DNAH1: variants seen among roughly 807,000 people sequenced by gnomAD.
DNAH1 encodes dynein axonemal heavy chain 1.
DNAH1 carries 327 observed loss-of-function variants against 484.3 expected under a neutral mutation model. The ratio of observed to expected loss-of-function variants is 0.68; its 90% CI spans 0.62 to 0.74. The LOEUF is 0.74. DNAH1 is among the 30% of genes least tolerant of loss of function. DNAH1 has a pLI of 0.00. For synonymous variants in DNAH1, 2,192 were observed against 2,191.9 expected, an observed-to-expected ratio of 1.00 and a Z score of 0.00; for missense variants, 5,052 against 5,546.8, an observed-to-expected ratio of 0.91 and a Z score of 2.83.
chr3:52,386,579 T>C, intron 55 of DNAH1, 83 bp from the exon 56 acceptor site: 9 of 1,422,012 alleles, frequency 6.3e-6, no homozygotes, highest in Non-Finnish European at 8.4e-6. Context: ...ACTTGGTTGG[T>C]AGGGCCAACC....
intron 8 of DNAH1, among the ~76,000 whole-genome samples, chr3:52,340,873 T>A (rs6794675): frequency 0.27 from 40,798 of 151,900 alleles, 8,199 homozygotes; most frequent in African/African-American, 0.57. Flanking sequence ...TTTTTTTTTT[T>A]AATTTACAGA....
chr3:52,360,150 A>C, intron 27 of DNAH1, 71 bp downstream of exon 27: 4 of 1,600,736 alleles, frequency 2.5e-6, no homozygotes, highest in South Asian at 1.1e-5. Context: ...GAGAAAAGTC[A>C]GTTAGCAATA....
rs1044032263 is a variant in DNAH1 at position 52,368,347 on chromosome 3, G to T, written c.5766-394G>T. Among the ~76,000 whole-genome samples, 4 of 152,156 alleles carry T rather than the reference G, an allele frequency of 2.6e-5. No homozygotes were observed. Among genetic ancestry groups the T allele is most frequent in the African/African-American group, 7.2e-5 (3 of 41,422 alleles). On this transcript the variant is annotated intron_variant, in intron 36 of 77. Coordinates refer to ENST00000420323, the MANE Select transcript of DNAH1 (RefSeq NM_015512.5). The surrounding 1 kb of genome is among the most constrained non-coding windows in gnomAD (Gnocchi z 4.4). ...CCCTTCCCTGGTGCGTGCTGCCTCT[G>T]AGGTCTGAGTCCCCTGGGTTCTGAG...
chr3:52,354,962 C>T lies in DNAH1; in HGVS notation c.3600C>T (p.His1200=), dbSNP rs752779932. The part of the protein sequence containing the change: ...PDEASQLLDD[H]IVMTQNMSFS... ...AGGCCTCACAGCTGCTGGACGACCA[C>T]ATCGTCATGACCCAGAATATGTCAT... Residue 1200 remains histidine, a synonymous_variant, in exon 21 of 78, where the codon CAC becomes CAT. Transcript: ENST00000420323. 1 of 1,614,036 alleles carries T rather than the reference C, an allele frequency of 6.2e-7. No homozygotes were observed. Among genetic ancestry groups the T allele is most frequent in the South Asian group, 1.1e-5 (1 of 91,078 alleles).
At chr3:52,350,430 G>T in intron 15 of DNAH1, 78 bp from the exon 16 acceptor site, 1 of 1,381,738 alleles carries the variant, frequency 7.2e-7, no homozygotes. Flanking sequence ...TCTAGTACCC[G>T]TCTCTGGGGA....
Position 52,355,072 on chromosome 3 carries a change from G to T in DNAH1, c.3693+17G>T. Reference sequence around the variant, plus strand: ...CTGACCCAGGTCGGCCCTCCCCCCAGTCCTTCCCTCATCGCTCCCCCACTT... The same window carrying T: ...CTGACCCAGGTCGGCCCTCCCCCCATTCCTTCCCTCATCGCTCCCCCACTT... On this transcript the variant is annotated intron_variant, in intron 21 of 77. Coordinates refer to ENST00000420323, the MANE Select transcript of DNAH1 (RefSeq NM_015512.5). This position sits in a 1 kb window ranked among gnomAD's most constrained non-coding sequence, Gnocchi z 4.5. The T allele has an allele frequency of 6.2e-7, 1 of 1,611,196 alleles. No homozygotes were observed. Among genetic ancestry groups the T allele is most frequent in the Non-Finnish European group, 8.5e-7 (1 of 1,179,278 alleles).
chr3:52,375,027 T>G, intron 44 of DNAH1: 1 of 645,412 alleles, frequency 1.5e-6, no homozygotes, highest in Non-Finnish European at 2.6e-6. Context: ...CAATAAAAAG[T>G]ACTTTTGAAC....
chr3:52,344,440 T>C, intron 8 of DNAH1, 50 bp from the exon 9 acceptor site: 1 of 1,591,420 alleles, frequency 6.3e-7, no homozygotes, highest in Non-Finnish European at 8.6e-7. Flanking sequence ...CGGCTGGGGT[T>C]CACAGGGTGT....
Position 52,326,332 on chromosome 3 carries a change from G to A in DNAH1, c.581+18G>A. ...ATCGAGAGGTACGGCTGGGTGGGCT[G>A]TGGGGAGACTGTCGGGGAGGTGGCA... is the stretch of plus-strand genomic sequence containing the variant. On this transcript the variant is annotated intron_variant, in intron 4 of 77. Transcript: ENST00000420323. 1.9e-6 allele frequency: 3 copies of A among 1,597,036 alleles called. No homozygotes were observed. Among genetic ancestry groups the A allele is most frequent in the South Asian group, 1.1e-5 (1 of 90,642 alleles).
intron 41 of DNAH1, 61 bp from the exon 42 acceptor site, chr3:52,371,885 G>C: frequency 1.3e-6 from 2 of 1,586,494 alleles, no homozygotes; most frequent in South Asian, 2.3e-5. Context: ...CCATGGGGCC[G>C]CAGCCAGGAG....
At chr3:52,390,323 G>T (rs1429427820) in intron 60 of DNAH1, among the ~76,000 whole-genome samples, 2 of 152,176 alleles carry the variant, frequency 1.3e-5, no homozygotes, top group African/African-American at 2.4e-5. Flanking sequence ...AAATTAACCA[G>T]GCATGGTCGT....
chr3:52,342,923 G>A (rs1702003468), intron 8 of DNAH1, among the ~76,000 whole-genome samples: 1 of 152,246 alleles, frequency 6.6e-6, no homozygotes, highest in Non-Finnish European at 1.5e-5. Context: ...GTGGTGTTCA[G>A]AGTCCGAGGC....
chr3:52,398,066 A>T lies in DNAH1; in HGVS notation c.11993A>T (p.Lys3998Met), dbSNP rs996016159. ...VEDVTQNILL[K>M]VPEPINLQWV... ...GACGTCACCCAAAACATTCTGCTCA[A>T]GGTGCCTGAGCCTATCAACTTGCAA... Residue 3998 changes from lysine to methionine, a missense_variant, in exon 75 of 78, where the codon AAG (lysine) becomes ATG (methionine). Physicochemically the swap from Lys to Met is moderately conservative, Grantham distance 95 (BLOSUM62 -1). Coordinates refer to ENST00000420323, the MANE Select transcript of DNAH1 (RefSeq NM_015512.5). 1.2e-6 allele frequency: 2 copies of T among 1,613,784 alleles called. No homozygotes were observed. The highest frequency in any genetic ancestry group is 1.7e-6 in the Non-Finnish European group (2 of 1,179,878).
chr3:52,386,281 C>T lies in DNAH1; in HGVS notation c.8747C>T (p.Ala2916Val), dbSNP rs751554068. 42 of 1,608,590 alleles carry T rather than the reference C, an allele frequency of 2.6e-5. No individual in the cohort carries two copies. Among genetic ancestry groups the T allele is most frequent in the African/African-American group, 4.0e-5 (3 of 74,832 alleles). The change falls in exon 55 of 78, where the codon GCG (alanine) becomes GTG (valine). Residue 2916 changes from alanine to valine, a missense_variant. Ala to Val is a moderately conservative substitution (Grantham distance 64, BLOSUM62 0). This residue lies in a region of DNAH1 where 2,929 missense variants were observed against 3,409.4 expected (regional missense o/e 0.86). Transcript: ENST00000420323. Reference protein sequence around the residue: ...ADDAQKDLDEALPALDAALAS... With the variant: ...ADDAQKDLDEVLPALDAALAS... ...GATGCCCAGAAGGACCTGGACGAGG[C>T]GTTGCCAGCCCTGGATGCGGCTCTG...
chr3:52,332,319 A>C lies in DNAH1; in HGVS notation c.1211A>C (p.His404Pro). The change falls in exon 8 of 78, where the codon CAT becomes CCT. Residue 404 changes from histidine to proline, a missense_variant. His to Pro is a moderately conservative substitution (Grantham distance 77, BLOSUM62 -2). Transcript: ENST00000420323. ...GACTGCATGCCCTCTGACGGCCAGC[A>C]TGTCATCAGTGAACAGAGCCTGAGC... The part of the protein sequence containing the change: ...YVDCMPSDGQ[H>P]VISEQSLSKI... 6.2e-7 allele frequency: 1 copy of C among 1,614,060 alleles called. No individual in the cohort carries two copies. Among genetic ancestry groups the C allele is most frequent in the Non-Finnish European group, 8.5e-7 (1 of 1,179,900 alleles).
chr3:52,336,408 G>A (rs992028644), intron 8 of DNAH1, among the ~76,000 whole-genome samples: 1 of 152,058 alleles, frequency 6.6e-6, no homozygotes, highest in Non-Finnish European at 1.5e-5. Flanking sequence ...AAAAAAATTA[G>A]CCAGGCATGG....
intron 66 of DNAH1, among the ~76,000 whole-genome samples, chr3:52,394,007 G>C (rs1407104452): frequency 6.6e-6 from 1 of 152,258 alleles, no homozygotes; most frequent in Non-Finnish European, 1.5e-5. Flanking sequence ...CTCGAGCCTT[G>C]AGTGTGCTGG....
chr3:52,316,925 G>A (rs540709033), intron 1 of DNAH1, among the ~76,000 whole-genome samples: 2 of 152,334 alleles, frequency 1.3e-5, no homozygotes, highest in South Asian at 4.1e-4. Context: ...CAGATGGGGT[G>A]ATGTTTTTCT....
chr3:52,398,896 C>T lies in DNAH1; in HGVS notation c.12136C>T (p.Leu4046Phe), dbSNP rs1187044267. 6.3e-7 allele frequency: 1 copy of T among 1,599,024 alleles called. No individual in the cohort carries two copies. The highest frequency in any genetic ancestry group is 2.2e-5 in the East Asian group (1 of 44,694). Residue 4046 changes from leucine to phenylalanine, a missense_variant, in exon 76 of 78, where the codon CTC (leucine) becomes TTC (phenylalanine). Physicochemically the swap from Leu to Phe is conservative, Grantham distance 22. Coordinates refer to ENST00000420323, the MANE Select transcript of DNAH1 (RefSeq NM_015512.5). ...QVITQTLQDLLKALKGLVVMS... is the reference protein window; with the variant it reads ...QVITQTLQDLFKALKGLVVMS... The stretch of plus-strand genomic sequence containing the variant: ...GATCACACAGACACTGCAAGACCTA[C>T]TCAAGGCACTCAAGGGGCTGGTAGT...
Sources: gnomAD v4.1 joint callset for allele counts (sites outside exome capture counted in the v4.1 genomes callset) on GRCh38, gnomAD v4.1.1 for gene constraint, gnomAD v4.1.1 regional missense constraint, Gnocchi (gnomAD v3.1) non-coding constraint, MANE v1.5 for transcripts, NCBI Gene and HGNC (gene_info 2026-07-23, HGNC 2026-07-21) for gene names.